Variants in ADGRL3 observed in about 807,000 individuals in gnomAD.
ADGRL3 encodes calcium-independent alpha-latrotoxin receptor 3.
In ADGRL3, 62 loss-of-function variants were observed where a neutral mutation model predicts 153.5. That is an observed-to-expected ratio of 0.40 (90% CI 0.33 to 0.50). The LOEUF is 0.50. Ranked by LOEUF, ADGRL3 falls within the 20% of genes least tolerant of loss-of-function variation. The pLI, the probability that ADGRL3 is intolerant of heterozygous loss-of-function variation, is 0.47. For missense variants in ADGRL3, 1,641 were observed against 1,859.4 expected (o/e 0.88, Z 2.16); for synonymous variants, 710 against 672.5 (o/e 1.06, Z -0.86).
chr4:61,714,188 T>G (rs531747674), intron 6 of ADGRL3, among the ~76,000 whole-genome samples: 5 of 148,126 alleles, frequency 3.4e-5, no homozygotes, highest in Non-Finnish European at 7.5e-5. Flanking sequence ...CTTTTGTTGT[T>G]GGAGAATGAA....
chr4:61,417,436 C>A (rs367715764), intron 2 of ADGRL3, among the ~76,000 whole-genome samples: 1 of 151,532 alleles, frequency 6.6e-6, no homozygotes, highest in African/African-American at 2.4e-5. Flanking sequence ...TGCAGTGAGC[C>A]GAGATTGTGC....
intron 1 of ADGRL3, among the ~76,000 whole-genome samples, chr4:61,257,238 T>C (rs1204540051): frequency 6.6e-6 from 1 of 152,206 alleles, no homozygotes; most frequent in Non-Finnish European, 1.5e-5. Context: ...TGCCCTCCTA[T>C]GAATAATATC....
At position 61,552,702 on chromosome 4, in the gene ADGRL3, C is replaced by G. The variant is rs117983669; in HGVS notation, c.260-34525C>G. Among the ~76,000 whole-genome samples the G allele has an allele frequency of 3.1e-3, 472 of 152,212 alleles. 9 individuals carry two copies. The East Asian group carries it at 0.044, about 14-fold the overall frequency. Reference sequence around the variant, plus strand: ...CAGACTGGTTGTGAACTCCTGGGCTCAAGTGATCCTCTTGTCTTGGCCTCC... The same window carrying G: ...CAGACTGGTTGTGAACTCCTGGGCTGAAGTGATCCTCTTGTCTTGGCCTCC... On this transcript the variant is annotated intron_variant, in intron 4 of 26. Transcript: ENST00000683033.
chr4:61,487,955 G>A (rs1252247006), intron 2 of ADGRL3, among the ~76,000 whole-genome samples: 5 of 151,804 alleles, frequency 3.3e-5, no homozygotes, highest in Admixed American at 6.6e-5. Flanking sequence ...CCAGTTGAAC[G>A]TATCAATATA....
intron 9 of ADGRL3, among the ~76,000 whole-genome samples, chr4:61,858,850 G>GTTTTCTGTTATTTCTCTTA: frequency 6.6e-6 from 1 of 152,050 alleles, no homozygotes; most frequent in South Asian, 2.1e-4. Context: ...CTTAGAAATG[G>GTTTTCTGTTATTTCTCTTA]GAGTTTTCTG....
intron 1 of ADGRL3, among the ~76,000 whole-genome samples, chr4:61,253,730 T>C (rs890861618): frequency 4.1e-5 from 6 of 146,068 alleles, no homozygotes; most frequent in African/African-American, 1.5e-4. Context: ...CATATATATA[T>C]AGGATTAAGT....
intron 5 of ADGRL3, among the ~76,000 whole-genome samples, chr4:61,650,117 G>A (rs1460780537): frequency 6.6e-6 from 1 of 152,116 alleles, no homozygotes; most frequent in Non-Finnish European, 1.5e-5. Flanking sequence ...TAAATCTACT[G>A]AGAGAAATAA....
intron 1 of ADGRL3, among the ~76,000 whole-genome samples, chr4:61,254,011 C>G (rs1356491369): frequency 1.3e-5 from 2 of 152,116 alleles, no homozygotes; most frequent in African/African-American, 4.8e-5. Context: ...GTGTATACAT[C>G]TTTATCAAAA....
At position 61,718,646 on chromosome 4, in the gene ADGRL3, A is replaced by G. The variant is rs551159486; in HGVS notation, c.584-11976A>G. Among the ~76,000 whole-genome samples, 105 of 152,170 alleles carry G rather than the reference A, an allele frequency of 6.9e-4. 1 individual carries two copies. The highest frequency in any genetic ancestry group is 1.0e-3 in the Non-Finnish European group (70 of 68,002). ...ACTCTAATCAGTTTAGTAGATATCA[A>G]TCACTTTTTGTTGTCTACCAGGAAG... On this transcript the variant is annotated intron_variant, in intron 6 of 26. Coordinates refer to ENST00000683033, the MANE Select transcript of ADGRL3 (RefSeq NM_001387552.1).
At chr4:61,239,246 T>C (rs1754014130) in intron 1 of ADGRL3, among the ~76,000 whole-genome samples, 1 of 152,160 alleles carries the variant, frequency 6.6e-6, no homozygotes, top group South Asian at 2.1e-4. Flanking sequence ...GTGAACAATG[T>C]AGGCTGTATT....
At chr4:61,780,150 G>A (rs2097198150) in intron 8 of ADGRL3, among the ~76,000 whole-genome samples, 1 of 152,212 alleles carries the variant, frequency 6.6e-6, no homozygotes, top group Admixed American at 6.5e-5. Context: ...TGCTCAGGCA[G>A]TGAAGCACAT....
intron 1 of ADGRL3, among the ~76,000 whole-genome samples, chr4:61,277,360 A>G (rs374968173): frequency 6.6e-6 from 1 of 152,192 alleles, no homozygotes; most frequent in African/African-American, 2.4e-5. Context: ...ATGAATGCAG[A>G]TAACATAAAA....
chr4:61,751,019 G>T (rs941822455), intron 8 of ADGRL3, among the ~76,000 whole-genome samples: 1 of 152,130 alleles, frequency 6.6e-6, no homozygotes, highest in Non-Finnish European at 1.5e-5. Context: ...TACTGCCTGA[G>T]CTCCGCCTCC....
In ADGRL3 at chr4:61,564,782, G is replaced by A. The variant is rs145976467; in HGVS notation, c.260-22445G>A. On this transcript the variant is annotated intron_variant, in intron 4 of 26. Transcript: ENST00000683033. ...CTTCCTTTCAATTAAATACCTAGAGGCCATTGTAGATTATTAATTGGCCTA... is the reference window on the plus strand; with the variant it reads ...CTTCCTTTCAATTAAATACCTAGAGACCATTGTAGATTATTAATTGGCCTA... 7.2e-4 allele frequency among the ~76,000 whole-genome samples: 110 copies of A among 152,214 alleles called. 2 individuals are homozygous for A. In the East Asian group the frequency reaches 0.017, roughly 24 times the overall value.
intron 1 of ADGRL3, among the ~76,000 whole-genome samples, chr4:61,281,547 A>G (rs1174106919): frequency 1.3e-5 from 2 of 152,162 alleles, no homozygotes; most frequent in East Asian, 1.9e-4. Flanking sequence ...GCATTAAGTT[A>G]CTAACAGGTG....
At chr4:61,416,256 GA>G (rs2097143494) in intron 2 of ADGRL3, among the ~76,000 whole-genome samples, 1 of 151,792 alleles carries the variant, frequency 6.6e-6, no homozygotes, top group Non-Finnish European at 1.5e-5. Flanking sequence ...AAAAATGATG[GA>G]AATCAAAGAA....
chr4:61,225,920 TTAATATCTTTTC>T (rs1434852450), intron 1 of ADGRL3, among the ~76,000 whole-genome samples: 1 of 152,200 alleles, frequency 6.6e-6, no homozygotes, highest in Non-Finnish European at 1.5e-5. Context: ...CTTGTCTTCT[TTAATATCTTTTC>T]CATCACTGCT....
chr4:61,334,445 T>A (rs1359117352), intron 1 of ADGRL3, among the ~76,000 whole-genome samples: 1 of 152,110 alleles, frequency 6.6e-6, no homozygotes, highest in Admixed American at 6.6e-5. Flanking sequence ...ATATTTGATA[T>A]GAAGTGTAAA....
At chr4:61,367,295 G>C (rs1270641801) in intron 1 of ADGRL3, among the ~76,000 whole-genome samples, 1 of 151,372 alleles carries the variant, frequency 6.6e-6, no homozygotes, top group Non-Finnish European at 1.5e-5. Flanking sequence ...GTGCAGGTTA[G>C]TTATATAAGT....
Sources: gnomAD v4.1 joint callset for allele counts (sites outside exome capture counted in the v4.1 genomes callset) on GRCh38, gnomAD v4.1.1 for gene constraint, MANE v1.5 for transcripts, NCBI Gene and HGNC (gene_info 2026-07-23, HGNC 2026-07-21) for gene names.